NHLRC2: variants seen among roughly 807,000 people sequenced by gnomAD.
The protein encoded by NHLRC2 is NHL repeat-containing protein 2.
Under a neutral mutation model 68.1 loss-of-function variants are expected in NHLRC2, and 33 were observed. The observed-to-expected ratio is 0.48, with a 90% CI of 0.37 to 0.65. NHLRC2 has a LOEUF of 0.65. Among genes scored for constraint, NHLRC2 ranks in the 30% least tolerant of loss-of-function variants. The pLI is 0.00. For synonymous variants in NHLRC2, 311 were observed against 309.6 expected, an observed-to-expected ratio of 1.00 and a Z score of -0.05; for missense variants, 761 against 853.8, an observed-to-expected ratio of 0.89 and a Z score of 1.35.
chr10:113,855,159 C>T (rs1845734224), intron 1 of NHLRC2, 109 bp downstream of exon 1: 5 of 958,270 alleles, frequency 5.2e-6, no homozygotes, highest in African/African-American at 1.7e-5. Context: ...GCTGGCGCCC[C>T]GGGGAGTGGC....
At chr10:113,892,176 T>TA (rs1177577809) in intron 5 of NHLRC2, among the ~76,000 whole-genome samples, 1 of 152,184 alleles carries the variant, frequency 6.6e-6, no homozygotes, top group African/African-American at 2.4e-5. Flanking sequence ...CATAGGTACT[T>TA]AAAATGACAG....
chr10:113,907,571 G>C (rs1414268057), intron 10 of NHLRC2, among the ~76,000 whole-genome samples: 1 of 152,166 alleles, frequency 6.6e-6, no homozygotes, highest in Non-Finnish European at 1.5e-5. Flanking sequence ...GACATTTAAA[G>C]ATGATTTTAA....
intron 4 of NHLRC2, among the ~76,000 whole-genome samples, chr10:113,880,405 C>G (rs367976420): frequency 1.1e-4 from 16 of 151,794 alleles, no homozygotes; most frequent in African/African-American, 3.6e-4. Flanking sequence ...GACTGTATCA[C>G]ATTCCATTGT....
chr10:113,878,205 T>G (rs1846002628), intron 3 of NHLRC2, among the ~76,000 whole-genome samples: 1 of 152,174 alleles, frequency 6.6e-6, no homozygotes, highest in African/African-American at 2.4e-5. Flanking sequence ...TTTACTCTCC[T>G]AATTTTCCTT....
intron 9 of NHLRC2, among the ~76,000 whole-genome samples, 168 bp downstream of exon 9, chr10:113,903,904 A>G (rs1387062464): frequency 1.3e-5 from 2 of 152,094 alleles, no homozygotes; most frequent in Non-Finnish European, 2.9e-5. Flanking sequence ...CTTTAAGGAT[A>G]TCCTTTTATT....
rs1846348852 is a variant in NHLRC2, at chr10:113,913,557, C to G, written c.*5021C>G. The G allele has an allele frequency of 6.6e-6, 1 of 152,128 alleles. No individual in the cohort carries two copies. Among genetic ancestry groups the G allele is most frequent in the Non-Finnish European group, 1.5e-5 (1 of 68,030 alleles). 9.4% of individuals were successfully genotyped at this position (152,128 alleles called of 1,614,324 possible). A position where few individuals can be genotyped will look rare whatever the true frequency, so the allele number is the denominator to read the frequency against. ...TGTTTCAAAAGTTGTTTTAAAAGTTCTAACGGTTGGTCTTCAAAACGTAAT... is the reference window on the plus strand; with the variant it reads ...TGTTTCAAAAGTTGTTTTAAAAGTTGTAACGGTTGGTCTTCAAAACGTAAT... On this transcript the variant is annotated 3_prime_UTR_variant, in exon 11 of 11. Coordinates refer to ENST00000369301, the MANE Select transcript of NHLRC2 (RefSeq NM_198514.4).
chr10:113,879,505 A>T (rs1846017479), intron 3 of NHLRC2, 69 bp from the exon 4 acceptor site: 38 of 1,316,418 alleles, frequency 2.9e-5, no homozygotes, highest in Non-Finnish European at 3.9e-5. Flanking sequence ...ATTAAATACA[A>T]GTTTGTTTTG....
chr10:113,867,553 C>T lies in NHLRC2; in HGVS notation c.331+8873C>T, dbSNP rs147368411. 2.5e-3 allele frequency among the ~76,000 whole-genome samples: 388 copies of T among 152,318 alleles called. 4 individuals carry two copies. Among genetic ancestry groups the T allele is most frequent in the African/African-American group, 9.0e-3 (375 of 41,558 alleles). On this transcript the variant is annotated intron_variant, in intron 2 of 10. Coordinates refer to ENST00000369301, the MANE Select transcript of NHLRC2 (RefSeq NM_198514.4). Reference sequence around the variant, plus strand: ...TTCCCTCTCCAGCATCTTTTCCACACCCTTCTCATCCTTCCTCAAGGCTGT... The same window carrying T: ...TTCCCTCTCCAGCATCTTTTCCACATCCTTCTCATCCTTCCTCAAGGCTGT...
At chr10:113,879,506 G>GTTTGT (rs958111043) in intron 3 of NHLRC2, 68 bp from the exon 4 acceptor site, 41 of 1,335,548 alleles carry the variant, frequency 3.1e-5, no homozygotes, top group East Asian at 9.7e-5. Flanking sequence ...TTAAATACAA[G>GTTTGT]TTTGTTTTGT....
In NHLRC2 at chr10:113,915,000, A is replaced by AATC; in HGVS notation, c.*6465_*6466insTCA. 2.2e-6 allele frequency: 1 copy of AATC among 456,274 alleles called. No individual in the cohort carries two copies. Among genetic ancestry groups the AATC allele is most frequent in the Non-Finnish European group, 4.4e-6 (1 of 226,964 alleles). 28.3% of individuals were successfully genotyped at this position (456,274 alleles called of 1,614,324 possible). ...CAATCACAGAGCCTGGGTAAGGTGG[A>AATC]ACAGGAGGCAGCCCCACTCGGCTTT... On this transcript the variant is annotated 3_prime_UTR_variant, in exon 11 of 11. Transcript: ENST00000369301.
At chr10:113,881,796 A>G (rs1189975401) in intron 4 of NHLRC2, among the ~76,000 whole-genome samples, 1 of 151,680 alleles carries the variant, frequency 6.6e-6, no homozygotes, top group African/African-American at 2.4e-5. Flanking sequence ...CTGTAACCAT[A>G]CGTTGTTTTT....
chr10:113,903,441 A>G (rs1451276096), intron 8 of NHLRC2, 86 bp from the exon 9 acceptor site: 5 of 799,802 alleles, frequency 6.3e-6, no homozygotes, highest in Non-Finnish European at 1.1e-5. Context: ...GCAATCAGAA[A>G]TTAGCTTGCT....
At chr10:113,906,899 C>T (rs949409844) in intron 10 of NHLRC2, among the ~76,000 whole-genome samples, 17 of 152,166 alleles carry the variant, frequency 1.1e-4, no homozygotes, top group Non-Finnish European at 1.9e-4. Context: ...AGGAGAATGG[C>T]GTGAACCCGG....
At position 113,915,392 on chromosome 10, in the gene NHLRC2, T is replaced by TA. The variant is rs1246003670; in HGVS notation, c.*6857dup. The TA allele has an allele frequency of 8.1e-6, 3 of 370,232 alleles. No homozygotes were observed. Among genetic ancestry groups the TA allele is most frequent in the Admixed American group, 3.5e-5 (1 of 28,612 alleles). The allele number at this position is 370,232 out of a possible 1,614,324, so 22.9% of individuals were successfully genotyped here. ...ATTCCTTCCTCTTTAAGCAGCAACT[T>TA]ACCACAGGCTTGGTGGCTTTAAGTA... On this transcript the variant is annotated 3_prime_UTR_variant, in exon 11 of 11. Transcript: ENST00000369301.
At chr10:113,900,588 T>C (rs1054876147) in intron 6 of NHLRC2, among the ~76,000 whole-genome samples, 1 of 152,202 alleles carries the variant, frequency 6.6e-6, no homozygotes, top group African/African-American at 2.4e-5. Context: ...TTAAAAGTTA[T>C]TGTTTCTCCC....
chr10:113,868,417 A>C (rs1467194763), intron 2 of NHLRC2, among the ~76,000 whole-genome samples: 1 of 152,198 alleles, frequency 6.6e-6, no homozygotes, highest in Non-Finnish European at 1.5e-5. Flanking sequence ...GAAAAAGCTA[A>C]ATAATTTAAG....
In NHLRC2 at chr10:113,909,118, T is replaced by C. The variant is rs1350465048; in HGVS notation, c.*582T>C. The C allele has an allele frequency of 6.6e-6, 1 of 152,248 alleles. No individual in the cohort carries two copies. The highest frequency in any genetic ancestry group is 1.5e-5 in the Non-Finnish European group (1 of 68,052). 9.4% of individuals were successfully genotyped at this position (152,248 alleles called of 1,614,324 possible). ...TTCTGTGGTTTTCTCAGTTGAGATA[T>C]TTTTAAAAGAGAGTTTTGATCTATT... On this transcript the variant is annotated 3_prime_UTR_variant, in exon 11 of 11. Transcript: ENST00000369301.
At chr10:113,874,904 A>G (rs1845964046) in intron 2 of NHLRC2, among the ~76,000 whole-genome samples, 1 of 149,790 alleles carries the variant, frequency 6.7e-6, no homozygotes, top group African/African-American at 2.5e-5. Context: ...ACTTTTTATA[A>G]TTTCCATTTC....
Position 113,908,615 on chromosome 10 carries a change from A to G in NHLRC2, c.*79A>G, listed in dbSNP as rs1252487868. On this transcript the variant is annotated 3_prime_UTR_variant, in exon 11 of 11. Coordinates refer to ENST00000369301, the MANE Select transcript of NHLRC2 (RefSeq NM_198514.4). ...TATCACTGTAATTTAAGGAAAGAAAACTTCAGTTCTGCCTCTGGATACCAA... is the reference window on the plus strand; with the variant it reads ...TATCACTGTAATTTAAGGAAAGAAAGCTTCAGTTCTGCCTCTGGATACCAA... 5 of 1,427,070 alleles carry G rather than the reference A, an allele frequency of 3.5e-6. No homozygotes were observed. The African/African-American group carries it at 7.1e-5, about 20-fold the overall frequency. 88.4% of individuals were successfully genotyped at this position (1,427,070 alleles called of 1,614,324 possible).
Sources: gnomAD v4.1 joint callset for allele counts (sites outside exome capture counted in the v4.1 genomes callset) on GRCh38, gnomAD v4.1.1 for gene constraint, MANE v1.5 for transcripts, NCBI Gene and HGNC (gene_info 2026-07-23, HGNC 2026-07-21) for gene names.